TSNARE1: variants seen among roughly 807,000 people sequenced by gnomAD.
TSNARE1 encodes t-SNARE domain containing 1, also known as t-SNARE domain-containing protein 1.
In TSNARE1, 49 loss-of-function variants were observed where a neutral mutation model predicts 62.0. The observed-to-expected ratio is 0.79, with a 90% CI of 0.63 to 1.00. The LOEUF is 1.00. TSNARE1 is among the 50% of genes least tolerant of loss of function. The pLI is 0.00. For missense variants in TSNARE1, 755 were observed against 700.1 expected (o/e 1.08, Z -0.88); for synonymous variants, 328 against 294.4 (o/e 1.11, Z -1.17).
At chr8:142,222,944 T>TCACTCATC (rs1563756282) in intron 13 of TSNARE1, among the ~76,000 whole-genome samples, 1 of 151,434 alleles carries the variant, frequency 6.6e-6, no homozygotes, top group African/African-American at 2.4e-5. Context: ...ACTCATTCAC[T>TCACTCATC]CACTCATCCA....
At chr8:142,257,248 G>A (rs138845519) in intron 12 of TSNARE1, among the ~76,000 whole-genome samples, 2,304 of 152,308 alleles carry the variant, frequency 0.015, 27 homozygotes, top group Non-Finnish European at 0.024. Context: ...GCAGCCCGGG[G>A]TTCCCAGGCC....
chr8:142,316,463 A>G (rs1198324048), intron 7 of TSNARE1, among the ~76,000 whole-genome samples: 1 of 151,804 alleles, frequency 6.6e-6, no homozygotes, highest in Non-Finnish European at 1.5e-5. Context: ...TTTTTAGTGT[A>G]ACTAACTTTT....
At chr8:142,277,259 A>T (rs775134032) in intron 11 of TSNARE1, 91 of 985,258 alleles carry the variant, frequency 9.2e-5, no homozygotes, top group Non-Finnish European at 1.0e-4. Context: ...CCCAAGCACT[A>T]GGCCAGAGGC....
At chr8:142,367,083 G>C (rs933918331) in intron 1 of TSNARE1, among the ~76,000 whole-genome samples, 1 of 152,116 alleles carries the variant, frequency 6.6e-6, no homozygotes, top group Middle Eastern at 3.2e-3. Context: ...ATCTCTACAA[G>C]GGGACTTTAA....
chr8:142,223,007 TTTACTCACTCACTCAG>T (rs1816499928), intron 13 of TSNARE1, among the ~76,000 whole-genome samples: 1 of 25,652 alleles, frequency 3.9e-5, no homozygotes, highest in Non-Finnish European at 8.9e-5. Flanking sequence ...CATTCACTCA[TTTACTCACTCACTCAG>T]CCACTCACTC....
At chr8:142,277,861 G>A (rs1279247111) in intron 11 of TSNARE1, 2 of 985,208 alleles carry the variant, frequency 2.0e-6, no homozygotes, top group South Asian at 4.7e-5. Context: ...TTGCAGAAAA[G>A]GACTAAGCAC....
chr8:142,280,475 G>A (rs1355549214), intron 11 of TSNARE1, among the ~76,000 whole-genome samples: 1 of 152,170 alleles, frequency 6.6e-6, no homozygotes, highest in African/African-American at 2.4e-5. Context: ...CCACTATACA[G>A]GGGCCCTTCT....
chr8:142,282,129 G>A (rs1020128086), intron 11 of TSNARE1, among the ~76,000 whole-genome samples: 1 of 152,210 alleles, frequency 6.6e-6, no homozygotes, highest in Non-Finnish European at 1.5e-5. Context: ...CCTGGCTTGC[G>A]GTGCAGCCCC....
At position 142,330,291 on chromosome 8, in the gene TSNARE1, C is replaced by A. The variant is rs181333062; in HGVS notation, c.893+610G>T. On this transcript the variant is annotated intron_variant, in intron 6 of 13. Coordinates refer to ENST00000524325, the MANE Select transcript of TSNARE1 (RefSeq NM_145003.5). ...CCCAGGGCAGGTGCTCCCTTCCCCC[C>A]GCTCCCCAGCCCAGCCAGGGCTCAG... is the stretch of plus-strand genomic sequence containing the variant. 4.6e-5 allele frequency among the ~76,000 whole-genome samples: 7 copies of A among 152,294 alleles called. No homozygotes were observed. In the Middle Eastern group the frequency reaches 0.01, roughly 222 times the overall value.
At chr8:142,264,636 C>A (rs987702404) in intron 12 of TSNARE1, among the ~76,000 whole-genome samples, 4 of 152,186 alleles carry the variant, frequency 2.6e-5, no homozygotes, top group East Asian at 3.8e-4. Context: ...TGAGCTGAAC[C>A]CATTCTGGAG....
At chr8:142,340,759 T>C (rs530662227) in intron 4 of TSNARE1, among the ~76,000 whole-genome samples, 1 of 152,246 alleles carries the variant, frequency 6.6e-6, no homozygotes, top group South Asian at 2.1e-4. Context: ...TCAAAGGACC[T>C]CTCTAGCCCT....
chr8:142,278,765 G>A, intron 11 of TSNARE1: 2 of 985,436 alleles, frequency 2.0e-6, no homozygotes, highest in Non-Finnish European at 1.2e-6. Flanking sequence ...GACAGGCTGA[G>A]AGTCACCGGA....
intron 1 of TSNARE1, among the ~76,000 whole-genome samples, chr8:142,359,415 C>T (rs1277999531): frequency 2.0e-5 from 3 of 152,190 alleles, no homozygotes; most frequent in African/African-American, 4.8e-5. Context: ...CAGGCCAGAT[C>T]GGAAACCCTG....
intron 12 of TSNARE1, among the ~76,000 whole-genome samples, chr8:142,237,506 C>T (rs1281277200): frequency 6.6e-6 from 1 of 152,262 alleles, no homozygotes; most frequent in Non-Finnish European, 1.5e-5. Context: ...TGGCTCTCTC[C>T]ACCGTGTGCC....
intron 12 of TSNARE1, chr8:142,274,520 A>G: frequency 1.0e-6 from 1 of 985,462 alleles, no homozygotes; most frequent in Non-Finnish European, 1.2e-6. Context: ...CCCCGGATCC[A>G]TGGGAGAGGG....
At chr8:142,276,576 CA>C (rs780473639) in intron 11 of TSNARE1, 160 of 985,322 alleles carry the variant, frequency 1.6e-4, no homozygotes, top group Non-Finnish European at 1.9e-4. Flanking sequence ...TCTGGGCTAA[CA>C]CAGGTGGTGC....
intron 12 of TSNARE1, among the ~76,000 whole-genome samples, chr8:142,242,147 C>A (rs112540124): frequency 8.7e-5 from 6 of 68,904 alleles, no homozygotes; most frequent in South Asian, 5.1e-4. Context: ...TCTAAACCTA[C>A]GATCTCCATC....
chr8:142,343,488 G>A (rs981589831), intron 4 of TSNARE1, among the ~76,000 whole-genome samples: 13 of 151,722 alleles, frequency 8.6e-5, no homozygotes, highest in South Asian at 2.1e-4. Context: ...TTCTCGCCAC[G>A]GCCGTGGTCC....
intron 1 of TSNARE1, among the ~76,000 whole-genome samples, chr8:142,369,527 A>T (rs961554695): frequency 1.3e-5 from 2 of 152,234 alleles, no homozygotes; most frequent in Admixed American, 1.3e-4. Context: ...GACTGAGGAG[A>T]GGTCAGAACC....
Sources: gnomAD v4.1 joint callset for allele counts (sites outside exome capture counted in the v4.1 genomes callset) on GRCh38, gnomAD v4.1.1 for gene constraint, MANE v1.5 for transcripts, NCBI Gene and HGNC (gene_info 2026-07-23, HGNC 2026-07-21) for gene names.